MFRP: variants seen among roughly 807,000 people sequenced by gnomAD.
The protein encoded by MFRP is C1q and TNF related 5.
In MFRP, 74 loss-of-function variants were observed where a neutral mutation model predicts 65.8. The ratio of observed to expected loss-of-function variants is 1.12; its 90% confidence interval spans 0.93 to 1.36. The LOEUF (loss-of-function observed/expected upper bound fraction) is 1.36, where lower values mean the gene tolerates loss of function less well. MFRP is among the 40% of genes most tolerant of loss of function. The pLI is 0.00. For synonymous variants in MFRP, 336 were observed against 288.3 expected (o/e 1.17, Z -1.68); for missense variants, 838 against 736.0 (o/e 1.14, Z -1.60).
At chr11:119,342,464 G>T in intron 11 of MFRP, 132 bp downstream of exon 11, 1 of 1,191,332 alleles carries the variant, frequency 8.4e-7, no homozygotes. Flanking sequence ...AGTGGTCCCA[G>T]AGTCAGGATG....
In MFRP at chr11:119,345,489, A is replaced by T; in HGVS notation, c.572T>A (p.Ile191Lys). The T allele has an allele frequency of 6.2e-6, 10 of 1,614,102 alleles. No individual in the cohort carries two copies. The highest frequency in any genetic ancestry group is 8.5e-6 in the Non-Finnish European group (10 of 1,180,034). ...AIQLKIEALS[I>K]ESVASCLFDR... is the part of the protein sequence containing the mutation. Reference sequence around the variant, plus strand: ...AAAAAGGCAAGAGGCCACACTCTCTATGCTGAGGGCTTCGATCTTGAGCTG... The same window carrying T: ...AAAAAGGCAAGAGGCCACACTCTCTTTGCTGAGGGCTTCGATCTTGAGCTG... The change falls in exon 5 of 15, where the codon ATA becomes AAA. Residue 191 changes from isoleucine (I) to lysine (K), a missense_variant. By Grantham distance (102) the Ile-to-Lys change is moderately radical. Transcript: ENST00000619721.
rs368782877 is a variant in MFRP, at chr11:119,342,935, G to A, written c.1193C>T (p.Thr398Ile). The A allele has an allele frequency of 6.2e-7, 1 of 1,612,660 alleles. No homozygotes were observed. The highest frequency in any genetic ancestry group is 1.1e-5 in the South Asian group (1 of 90,930). Residue 398 changes from threonine (T) to isoleucine (I), a missense_variant, in exon 10 of 15, where the codon ACA becomes ATA. Transcript: ENST00000619721. ...SHHELAVLFR[T>I]DHGISSGGFS... ...GCCTCCACTGCTGATGCCATGATCTGTCCTAAACAGCACAGCCAGCTCATG... is the reference window on the plus strand; with the variant it reads ...GCCTCCACTGCTGATGCCATGATCTATCCTAAACAGCACAGCCAGCTCATG...
Position 119,343,875 on chromosome 11 carries a change from C to G in MFRP, c.1065G>C (p.Lys355Asn). 2 of 1,613,986 alleles carry G rather than the reference C, an allele frequency of 1.2e-6. No individual in the cohort carries two copies. The highest frequency in any genetic ancestry group is 2.2e-5 in the South Asian group (2 of 91,070). ...NFSLEAQDECKFDYVEVYETS... is the reference protein window; with the variant it reads ...NFSLEAQDECNFDYVEVYETS... ...TCTCATACACCTCCACGTAGTCAAA[C>G]TTGCACTCGTCCTGAGCCTCCAGGC... The change falls in exon 9 of 15, where the codon AAG (lysine) becomes AAC (asparagine). Residue 355 changes from lysine (K) to asparagine (N), a missense_variant. Lys to Asn is a moderately conservative substitution (Grantham distance 94). Transcript: ENST00000619721.
In MFRP at chr11:119,339,465, C is replaced by T. The variant is rs763473287; in HGVS notation, c.*1494G>A. ...TGCACCCACACTTGGTCCTCAGGCT[C>T]CAGCCTCACCATGGCCCCCCCCGAG... On this transcript the variant is annotated 3_prime_UTR_variant, in exon 15 of 15. Transcript: ENST00000619721. The surrounding 1 kb of genome is among the most constrained non-coding windows in gnomAD (Gnocchi z 5.4). The T allele has an allele frequency of 6.2e-7, 1 of 1,613,798 alleles. No homozygotes were observed. Among genetic ancestry groups the T allele is most frequent in the Non-Finnish European group, 8.5e-7 (1 of 1,179,998 alleles).
Position 119,340,730 on chromosome 11 carries a change from C to T in MFRP, c.*818G>A. The T allele has an allele frequency of 2.7e-6, 1 of 367,550 alleles. No individual in the cohort carries two copies. Among genetic ancestry groups the T allele is most frequent in the Non-Finnish European group, 5.0e-6 (1 of 200,676 alleles). 22.8% of individuals were successfully genotyped at this position (367,550 alleles called of 1,614,324 possible). A position where few individuals can be genotyped will look rare whatever the true frequency, so the allele number is the denominator to read the frequency against. Reference sequence around the variant, plus strand: ...GGCTCCCCGATGGCCTCCTTCGGGGCGCTCGCTACTCCGGACCCTCCAGTT... The same window carrying T: ...GGCTCCCCGATGGCCTCCTTCGGGGTGCTCGCTACTCCGGACCCTCCAGTT... On this transcript the variant is annotated 3_prime_UTR_variant, in exon 13 of 15. Coordinates refer to ENST00000619721, the MANE Select transcript of MFRP (RefSeq NM_031433.4).
chr11:119,344,214 A>G, intron 8 of MFRP, 101 bp downstream of exon 8: 1 of 1,178,314 alleles, frequency 8.5e-7, no homozygotes, highest in Non-Finnish European at 1.3e-6. Context: ...GACCTTCCCA[A>G]GTAGAAGGTA....
At chr11:119,342,457 G>A (rs747890580) in intron 11 of MFRP, 139 bp downstream of exon 11, 6 of 1,065,514 alleles carry the variant, frequency 5.6e-6, no homozygotes, top group Non-Finnish European at 6.8e-6. Flanking sequence ...TCTGTGAAGT[G>A]GTCCCAGAGT....
intron 4 of MFRP, 22 bp downstream of exon 4, chr11:119,345,751 A>G: frequency 1.9e-6 from 3 of 1,613,250 alleles, no homozygotes; most frequent in Non-Finnish European, 2.5e-6. Context: ...CTTCTCCCGG[A>G]AGATCTGCCC....
Position 119,340,361 on chromosome 11 carries a change from C to G in MFRP, c.*933G>C. 1 of 1,544,002 alleles carries G rather than the reference C, an allele frequency of 6.5e-7. No homozygotes were observed. Among genetic ancestry groups the G allele is most frequent in the Non-Finnish European group, 8.7e-7 (1 of 1,145,482 alleles). ...TCGTCCAGTGGGGGCGAGCCGGCCGCCAGGCCCAGGAGCAGCAGGACGAGG... is the reference window on the plus strand; with the variant it reads ...TCGTCCAGTGGGGGCGAGCCGGCCGGCAGGCCCAGGAGCAGCAGGACGAGG... On this transcript the variant is annotated 3_prime_UTR_variant, in exon 14 of 15. Transcript: ENST00000619721.
In MFRP at chr11:119,345,879, G is replaced by C. The variant is rs562580805; in HGVS notation, c.321C>G (p.Ala107=). The C allele has an allele frequency of 6.2e-7, 1 of 1,613,650 alleles. No individual in the cohort carries two copies. Among genetic ancestry groups the C allele is most frequent in the African/African-American group, 1.3e-5 (1 of 75,016 alleles). Residue 107 remains alanine (A), a synonymous_variant, in exon 4 of 15, where the codon GCC becomes GCG. Coordinates refer to ENST00000619721, the MANE Select transcript of MFRP (RefSeq NM_031433.4). ...PSGASHSPLP[A]GGLTTTTTTP... is the part of the protein sequence containing the mutation. ...TGGTGGTGGTCGTGGTAAGGCCTCC[G>C]GCAGGCAGTGGGCTATGGGACGCCC...
Position 119,340,057 on chromosome 11 carries a change from T to G in MFRP, c.*1110+127A>C. ...CCCGCCGCCTGGGCCCCTCCCCCGC[T>G]CAGGGCTGCAAAGCGCGGGGAGTGG... On this transcript the variant is annotated intron_variant, in intron 14 of 14. Transcript: ENST00000619721. 3 of 1,299,096 alleles carry G rather than the reference T, an allele frequency of 2.3e-6. No individual in the cohort carries two copies. In the South Asian group the frequency reaches 4.9e-5, roughly 21 times the overall value. The allele number at this position is 1,299,096 out of a possible 1,614,324, so 80.5% of individuals were successfully genotyped here. A position where few individuals can be genotyped will look rare whatever the true frequency, so the allele number is the denominator to read the frequency against.
At position 119,339,231 on chromosome 11, in the gene MFRP, T is replaced by C; in HGVS notation, c.*1728A>G. On this transcript the variant is annotated 3_prime_UTR_variant, in exon 15 of 15. Transcript: ENST00000619721. This position sits in a 1 kb window ranked among gnomAD's most constrained non-coding sequence, Gnocchi z 5.4. ...TGCTCTACCCCACCTCCCTAGTCAT[T>C]CACAATATTCCAGGGGGGCCAGCCC... 7.3e-7 allele frequency: 1 copy of C among 1,368,882 alleles called. No homozygotes were observed. The highest frequency in any genetic ancestry group is 2.2e-5 in the Admixed American group (1 of 46,048). 84.8% of individuals were successfully genotyped at this position (1,368,882 alleles called of 1,614,324 possible). A position where few individuals can be genotyped will look rare whatever the true frequency, so the allele number is the denominator to read the frequency against.
rs749323383 is a variant in MFRP at position 119,345,431 on chromosome 11, G to T, written c.630C>A (p.Gly210=). The T allele has an allele frequency of 6.2e-7, 1 of 1,613,750 alleles. No homozygotes were observed. Among genetic ancestry groups the T allele is most frequent in the African/African-American group, 1.3e-5 (1 of 74,920 alleles). ...DRLELSPEPE[G]PLLRVCGRVP... ...ACAGAGGGACCTACCTGAGGAGGGGGCCTTCAGGCTCAGGGGAGAGTTCCA... is the reference window on the plus strand; with the variant it reads ...ACAGAGGGACCTACCTGAGGAGGGGTCCTTCAGGCTCAGGGGAGAGTTCCA... Residue 210 remains glycine, a synonymous_variant, in exon 5 of 15, where the codon GGC becomes GGA. Coordinates refer to ENST00000619721, the MANE Select transcript of MFRP (RefSeq NM_031433.4).
chr11:119,346,428 G>A (rs1211724895), intron 1 of MFRP, 32 bp downstream of exon 1: 3 of 1,613,778 alleles, frequency 1.9e-6, no homozygotes, highest in Admixed American at 1.7e-5. Context: ...CTGGTGCTGG[G>A]TCTTAGGAGC....
chr11:119,343,945 G>A lies in MFRP; in HGVS notation c.995C>T (p.Ser332Leu), dbSNP rs753704456. The change falls in exon 9 of 15, where the codon TCG becomes TTG. Residue 332 changes from serine to leucine, a missense_variant. Ser to Leu is a moderately radical substitution (Grantham distance 145). Coordinates refer to ENST00000619721, the MANE Select transcript of MFRP (RefSeq NM_031433.4). ...TTCTATGCTGTGTCCGGCAGGCACC[G>A]AGATATGCCAGGTGCAGAGCTGGGG... ...PHQLLCTWHI[S>L]VPAGHSIELQ... 10 of 1,613,192 alleles carry A rather than the reference G, an allele frequency of 6.2e-6. No homozygotes were observed. Among genetic ancestry groups the A allele is most frequent in the East Asian group, 4.5e-5 (2 of 44,862 alleles).
At position 119,340,322 on chromosome 11, in the gene MFRP, T is replaced by C. The variant is rs763994719; in HGVS notation, c.*972A>G. ...AGGCCGGGGTGCCCCGGGCAGAGGC[T>C]GGGGATCTTGTTGTCGTCCAGTGGG... On this transcript the variant is annotated 3_prime_UTR_variant, in exon 14 of 15. Transcript: ENST00000619721. The C allele has an allele frequency of 1.2e-5, 18 of 1,542,546 alleles. No individual in the cohort carries two copies. The South Asian group carries it at 1.9e-4, about 16-fold the overall frequency.
In MFRP at chr11:119,345,566, G is replaced by A; in HGVS notation, c.495C>T (p.Pro165=). 1 of 1,614,032 alleles carries A rather than the reference G, an allele frequency of 6.2e-7. No homozygotes were observed. The highest frequency in any genetic ancestry group is 8.5e-7 in the Non-Finnish European group (1 of 1,180,034). The change falls in exon 5 of 15, where the codon CCC becomes CCT. Residue 165 remains proline (P), a synonymous_variant. Transcript: ENST00000619721. ...FSSPNYPDPY[P]PNTHCVWHIQ... Reference sequence around the variant, plus strand: ...TATGCCACACGCAGTGGGTGTTGGGGGGGTAAGGGTCTGGGTAGTTAGGGC... The same window carrying A: ...TATGCCACACGCAGTGGGTGTTGGGAGGGTAAGGGTCTGGGTAGTTAGGGC...
At chr11:119,343,301 A>G (rs938471762) in intron 9 of MFRP, among the ~76,000 whole-genome samples, 1 of 152,208 alleles carries the variant, frequency 6.6e-6, no homozygotes, top group Non-Finnish European at 1.5e-5. Context: ...ACTTGAGCCC[A>G]GGAGTTTGAA....
chr11:119,345,741 C>T, intron 4 of MFRP, 32 bp downstream of exon 4: 2 of 1,613,368 alleles, frequency 1.2e-6, no homozygotes, highest in South Asian at 2.2e-5. Flanking sequence ...ATCTTGGGCC[C>T]TTCTCCCGGA....
Sources: gnomAD v4.1 joint callset for allele counts (sites outside exome capture counted in the v4.1 genomes callset) on GRCh38, gnomAD v4.1.1 for gene constraint, Gnocchi (gnomAD v3.1) non-coding constraint, MANE v1.5 for transcripts, NCBI Gene and HGNC (gene_info 2026-07-23, HGNC 2026-07-21) for gene names.